SAMMSON: variants seen among roughly 807,000 people sequenced by gnomAD.
SAMMSON encodes survival associated mitochondrial melanoma specific oncogenic non-coding RNA.
At chr3:70,416,288 A>G (rs1701264284) in intron 2 of SAMMSON, among the ~76,000 whole-genome samples, 1 of 152,174 alleles carries the variant, frequency 6.6e-6, no homozygotes, top group African/African-American at 2.4e-5. Context: ...CTTCATGTCC[A>G]GTACATAAAG....
downstream of SAMMSON, among the ~76,000 whole-genome samples, chr3:70,391,485 G>A (rs1038144223): frequency 2.0e-5 from 3 of 151,898 alleles, no homozygotes; most frequent in African/African-American, 7.3e-5. Context: ...TTTTTATATG[G>A]TCTCTTTCTC....
rs1701707283 is a variant in SAMMSON, at chr3:70,246,206, C to T, written n.508-2901C>T. On this transcript the variant is annotated intron_variant and non_coding_transcript_variant, in intron 4 of 9. Coordinates refer to ENST00000642114, the Ensembl canonical transcript of SAMMSON. ...TAAGATTCTTGGAATAGTACATCACCATTTTTAATTTTTGATATTTTTATC... is the reference window on the plus strand; with the variant it reads ...TAAGATTCTTGGAATAGTACATCACTATTTTTAATTTTTGATATTTTTATC... Among the ~76,000 whole-genome samples the T allele has an allele frequency of 2.6e-5, 4 of 152,132 alleles. No homozygotes were observed. In the South Asian group the frequency reaches 8.3e-4, roughly 32 times the overall value.
intron 3 of SAMMSON, among the ~76,000 whole-genome samples, chr3:70,061,722 G>T (rs2067191209): frequency 6.6e-6 from 1 of 152,010 alleles, no homozygotes. Context: ...AGCTCCCTCC[G>T]CATCTACCCA....
At chr3:70,406,678 C>G (rs892782752) in intron 2 of SAMMSON, among the ~76,000 whole-genome samples, 63 of 152,028 alleles carry the variant, frequency 4.1e-4, no homozygotes, top group African/African-American at 1.4e-3. Flanking sequence ...ATGTGGTAAT[C>G]CTAGAACAAT....
intron 4 of SAMMSON, among the ~76,000 whole-genome samples, chr3:70,175,461 A>G (rs1701002335): frequency 6.6e-6 from 1 of 152,120 alleles, no homozygotes. Flanking sequence ...TATGAGAGAC[A>G]GGAAGTATAG....
intron 2 of SAMMSON, among the ~76,000 whole-genome samples, chr3:70,404,674 A>G (rs189914973): frequency 7.9e-5 from 12 of 152,324 alleles, no homozygotes; most frequent in Admixed American, 7.8e-4. Context: ...CATAAGAAAT[A>G]ACATCAGATA....
intron 4 of SAMMSON, among the ~76,000 whole-genome samples, chr3:70,209,977 A>G (rs1044902066): frequency 6.6e-6 from 1 of 152,128 alleles, no homozygotes; most frequent in African/African-American, 2.4e-5. Flanking sequence ...CTTGATGAGT[A>G]TGGAGATTGC....
intron 3 of SAMMSON, among the ~76,000 whole-genome samples, chr3:70,039,144 A>G (rs1198724087): frequency 1.3e-5 from 2 of 152,158 alleles, no homozygotes; most frequent in African/African-American, 4.8e-5. Flanking sequence ...AAATCTTGAG[A>G]CTAAACTGCA....
intron 7 of SAMMSON, among the ~76,000 whole-genome samples, chr3:70,317,495 C>T (rs972835732): frequency 1.2e-4 from 18 of 151,580 alleles, no homozygotes; most frequent in African/African-American, 3.9e-4. Context: ...GTTTTTTTGT[C>T]TAACCAAAAA....
At chr3:70,196,197 A>G (rs1037455438) in intron 4 of SAMMSON, among the ~76,000 whole-genome samples, 8 of 152,242 alleles carry the variant, frequency 5.3e-5, no homozygotes, top group African/African-American at 1.4e-4. Flanking sequence ...AGAATAACTA[A>G]GAGCCTTTCT....
intron 3 of SAMMSON, among the ~76,000 whole-genome samples, chr3:70,051,202 G>A (rs1251603624): frequency 1.3e-5 from 2 of 148,328 alleles, no homozygotes; most frequent in African/African-American, 4.9e-5. Context: ...AAGGTAAAAT[G>A]GGAAGTATAA....
intron 4 of SAMMSON, among the ~76,000 whole-genome samples, chr3:70,093,808 G>T (rs1242424718): frequency 1.3e-5 from 2 of 152,076 alleles, no homozygotes; most frequent in Admixed American, 6.5e-5. Context: ...TTGAAATGAC[G>T]CCTGGAGCAA....
At chr3:70,016,265 G>A (rs1422846640) in intron 3 of SAMMSON, among the ~76,000 whole-genome samples, 2 of 152,154 alleles carry the variant, frequency 1.3e-5, no homozygotes, top group African/African-American at 2.4e-5. Context: ...TCTAACTGGT[G>A]TGAGATGGAA....
chr3:70,039,299 A>T (rs1355374071), intron 3 of SAMMSON, among the ~76,000 whole-genome samples: 1 of 152,112 alleles, frequency 6.6e-6, no homozygotes, highest in Admixed American at 6.6e-5. Flanking sequence ...AGCTAATTTT[A>T]TGTGCCAACT....
intron 2 of SAMMSON, among the ~76,000 whole-genome samples, chr3:70,425,982 TA>T (rs1701363114): frequency 6.6e-6 from 1 of 152,232 alleles, no homozygotes; most frequent in East Asian, 1.9e-4. Context: ...TATGTCATTC[TA>T]AATGTATAGC....
intron 7 of SAMMSON, among the ~76,000 whole-genome samples, chr3:70,344,061 C>A (rs1016759401): frequency 6.6e-6 from 1 of 151,942 alleles, no homozygotes; most frequent in African/African-American, 2.4e-5. Context: ...ATTTGTAGCA[C>A]TAATGATATG....
At chr3:70,196,610 A>G (rs532329880) in intron 4 of SAMMSON, among the ~76,000 whole-genome samples, 131 of 152,326 alleles carry the variant, frequency 8.6e-4, no homozygotes, top group African/African-American at 2.7e-3. Flanking sequence ...GATGAGTGCA[A>G]TAACGCAGTG....
At chr3:70,257,701 C>T (rs780347682) in intron 6 of SAMMSON, among the ~76,000 whole-genome samples, 4 of 152,140 alleles carry the variant, frequency 2.6e-5, no homozygotes, top group Non-Finnish European at 2.9e-5. Context: ...ATTCATGCAT[C>T]GGAAGACTCA....
At chr3:70,366,002 G>C (rs1394717264) in intron 9 of SAMMSON, among the ~76,000 whole-genome samples, 1 of 304 alleles carries the variant, frequency 3.3e-3, no homozygotes, top group Non-Finnish European at 0.013. Context: ...TTTTTTTTTT[G>C]AGACGGAGTC....
Sources: allele counts gnomAD v4.1 joint callset (sites outside exome capture counted in the v4.1 genomes callset), GRCh38; gene constraint gnomAD v4.1.1; transcripts MANE v1.5; gene names NCBI Gene and HGNC (gene_info 2026-07-23, HGNC 2026-07-21).